The following KANK2 variants were observed in gnomAD, a reference collection of about 807,000 sequenced individuals.
KANK2 encodes KN motif and ankyrin repeat domain-containing protein 2.
In KANK2, 41 loss-of-function variants were observed where a neutral mutation model predicts 74.6. That is an observed-to-expected ratio of 0.55 (90% CI 0.43 to 0.71). KANK2 has a LOEUF of 0.71. KANK2 is among the 30% of genes least tolerant of loss of function. The pLI is 0.00. For synonymous variants in KANK2, 537 were observed against 519.0 expected (o/e 1.03, Z -0.47); for missense variants, 1,148 against 1,196.4 (o/e 0.96, Z 0.60).
In KANK2 at chr19:11,194,527, T is replaced by G. The variant is rs2078960237; in HGVS notation, c.-16A>C. The G allele has an allele frequency of 6.2e-7, 1 of 1,610,872 alleles. No individual in the cohort carries two copies. On this transcript the variant is annotated 5_prime_UTR_variant, in exon 3 of 13. Coordinates refer to ENST00000586659, the MANE Select transcript of KANK2 (RefSeq NM_001136191.3). ...CCTGGGCCATCTTCTTTTCTACAGA[T>G]GCTCCTTGGAAGTCACTTGAGGGAC...
intron 4 of KANK2, among the ~76,000 whole-genome samples, chr19:11,181,693 C>T (rs2078523501): frequency 6.6e-6 from 1 of 151,910 alleles, no homozygotes. Context: ...GACAGTTGCG[C>T]AACAGTGTGA....
rs955771153 is a variant in KANK2 at position 11,165,409 on chromosome 19, C to A, written c.*1149G>T. On this transcript the variant is annotated 3_prime_UTR_variant, in exon 13 of 13. Coordinates refer to ENST00000586659, the MANE Select transcript of KANK2 (RefSeq NM_001136191.3). ...TCTGGAGTCCCGGGGAGGAACAGGA[C>A]GGCCCTGTGACCATAGTCTGGGGCC... The A allele has an allele frequency of 1.3e-5, 2 of 152,158 alleles. No homozygotes were observed. Among genetic ancestry groups the A allele is most frequent in the African/African-American group, 4.8e-5 (2 of 41,442 alleles). The allele number at this position is 152,158 out of a possible 1,614,324, so 9.4% of individuals were successfully genotyped here. A position where few individuals can be genotyped will look rare whatever the true frequency, so the allele number is the denominator to read the frequency against.
At chr19:11,176,073 T>C in intron 7 of KANK2, 84 bp from the exon 8 acceptor site, 1 of 1,043,868 alleles carries the variant, frequency 9.6e-7, no homozygotes, top group African/African-American at 1.6e-5. Flanking sequence ...ACCACGTCAC[T>C]CACAATAGGG....
At chr19:11,196,896 TG>T (rs144693665) in intron 1 of KANK2, 68,544 of 149,158 alleles carry the variant, frequency 0.46, 15,932 homozygotes, top group African/African-American at 0.58. Context: ...GTGGTGGTGG[TG>T]GGGGGGGGTC....
Position 11,169,897 on chromosome 19 carries a change from G to A in KANK2, c.2482C>T (p.Arg828Cys), listed in dbSNP as rs761733941. The A allele has an allele frequency of 5.6e-6, 9 of 1,613,856 alleles. No individual in the cohort carries two copies. The East Asian group carries it at 6.7e-5, about 12-fold the overall frequency. ...CTCACCGAGCACTTGATGTTCATGC[G>A]GGAATACAGCATGGACGCAATCTCA... ...QSEIASMLYSRMNIKCSFAPM... is the reference protein window; with the variant it reads ...QSEIASMLYSCMNIKCSFAPM... The change falls in exon 12 of 13, where the codon CGC becomes TGC. Residue 828 changes from arginine to cysteine, a missense_variant. Physicochemically the swap from Arg to Cys is radical, Grantham distance 180 (BLOSUM62 -3). Coordinates refer to ENST00000586659, the MANE Select transcript of KANK2 (RefSeq NM_001136191.3).
At chr19:11,187,672 C>T (rs868388490) in intron 4 of KANK2, among the ~76,000 whole-genome samples, 5 of 152,178 alleles carry the variant, frequency 3.3e-5, no homozygotes, top group East Asian at 1.9e-4. Context: ...CAGCCACGTT[C>T]GTTCATTTCC....
chr19:11,172,540 A>T (rs901583539), intron 10 of KANK2, among the ~76,000 whole-genome samples: 1 of 152,112 alleles, frequency 6.6e-6, no homozygotes, highest in Non-Finnish European at 1.5e-5. Flanking sequence ...ACACAGCTGA[A>T]GGGAGCGCTC....
chr19:11,194,233 T>A (rs1242904064), intron 3 of KANK2, among the ~76,000 whole-genome samples, 191 bp from the exon 4 acceptor site: 1 of 152,102 alleles, frequency 6.6e-6, no homozygotes. Context: ...CGCTAGGCTA[T>A]GTCGCCTCTC....
chr19:11,169,681 A>C (rs2078116823), intron 12 of KANK2, 196 bp downstream of exon 12: 2 of 599,592 alleles, frequency 3.3e-6, no homozygotes, highest in Admixed American at 5.9e-5. Context: ...CACACCTGTT[A>C]TCCCAGCTAC....
intron 4 of KANK2, among the ~76,000 whole-genome samples, chr19:11,179,017 C>G (rs534396436): frequency 5.9e-5 from 9 of 151,950 alleles, no homozygotes; most frequent in African/African-American, 2.2e-4. Flanking sequence ...CCTGAGTGAT[C>G]GCTAAAAATA....
intron 4 of KANK2, among the ~76,000 whole-genome samples, chr19:11,185,367 G>A (rs1434820231): frequency 6.7e-6 from 1 of 148,236 alleles, no homozygotes; most frequent in East Asian, 2.0e-4. Context: ...AATTAGTAGA[G>A]ATGGGGTGTC....
chr19:11,197,695 A>G (rs1412813796), upstream of KANK2: 4 of 151,654 alleles, frequency 2.6e-5, no homozygotes, highest in African/African-American at 9.7e-5. Flanking sequence ...CTGGTTGGAG[A>G]CTGGATCTCA....
Position 11,174,488 on chromosome 19 carries a change from G to T in KANK2, c.2053C>A (p.Gln685Lys). Residue 685 changes from glutamine to lysine, a missense_variant, in exon 9 of 13, where the codon CAG (glutamine) becomes AAG (lysine). Physicochemically the swap from Gln to Lys is moderately conservative, Grantham distance 53 (BLOSUM62 1). Coordinates refer to ENST00000586659, the MANE Select transcript of KANK2 (RefSeq NM_001136191.3). ...CTGGGCTCACCGCTGTCGAGCAGCT[G>T]CTGCACCACGGGGAAGTTGGCATGA... The part of the protein sequence containing the change: ...VSHANFPVVQ[Q>K]LLDSGVCKVD... 6.2e-7 allele frequency: 1 copy of T among 1,611,034 alleles called. No individual in the cohort carries two copies.
chr19:11,188,624 T>C (rs1200978198), intron 4 of KANK2, among the ~76,000 whole-genome samples: 1 of 151,924 alleles, frequency 6.6e-6, no homozygotes, highest in African/African-American at 2.4e-5. Context: ...GTCCCTGCTG[T>C]GCTCCTCCCT....
chr19:11,186,302 C>G (rs931307135), intron 4 of KANK2, among the ~76,000 whole-genome samples: 2 of 151,970 alleles, frequency 1.3e-5, no homozygotes, highest in Middle Eastern at 3.2e-3. Context: ...GCACAAGAAT[C>G]GCTTGAACCT....
intron 7 of KANK2, 64 bp from the exon 8 acceptor site, chr19:11,176,053 GA>G (rs2078327861): frequency 1.5e-6 from 2 of 1,293,830 alleles, no homozygotes; most frequent in Non-Finnish European, 2.2e-6. Flanking sequence ...GAAGGGACTT[GA>G]CATTCTGCAC....
Position 11,184,230 on chromosome 19 carries a change from G to C in KANK2, c.1250-5510C>G, listed in dbSNP as rs1243766343. 6.6e-5 allele frequency among the ~76,000 whole-genome samples: 10 copies of C among 150,426 alleles called. 4 individuals carry two copies. The highest frequency in any genetic ancestry group is 2.1e-4 in the South Asian group (1 of 4,762). ...GTCTCTACTGATAATACAAAAATTA[G>C]CAGAGTATGCTGGCAGGCACCTGTA... On this transcript the variant is annotated intron_variant, in intron 4 of 12. Transcript: ENST00000586659.
chr19:11,191,660 A>G (rs76288880), intron 4 of KANK2, among the ~76,000 whole-genome samples: 10,789 of 152,318 alleles, frequency 0.071, 511 homozygotes, highest in Middle Eastern at 0.1. Flanking sequence ...TAAACTGGAC[A>G]GACAGATGCC....
At position 11,174,626 on chromosome 19, in the gene KANK2, C is replaced by A; in HGVS notation, c.1915G>T (p.Glu639Ter). 6.2e-7 allele frequency: 1 copy of A among 1,612,244 alleles called. No individual in the cohort carries two copies. Among genetic ancestry groups the A allele is most frequent in the South Asian group, 1.1e-5 (1 of 90,936 alleles). Residue 639 changes from glutamate to a stop codon, truncating the protein, a stop_gained, in exon 9 of 13, where the codon GAG (glutamate) becomes TAG (stop). Coordinates refer to ENST00000586659, the MANE Select transcript of KANK2 (RefSeq NM_001136191.3). LOFTEE classifies it high-confidence loss of function. ...GTGACCAGGTGCCGCCGCACCAGCT[C>A]GGGGTGTGCGTCGCTGCGGCAGGCC... is the stretch of plus-strand genomic sequence containing the variant. ...RLACRSDAHPELVRRHLVTFR... is the reference protein window; with the variant it reads ...RLACRSDAHP
Sources: gnomAD v4.1 joint callset for allele counts (sites outside exome capture counted in the v4.1 genomes callset) on GRCh38, gnomAD v4.1.1 for gene constraint, MANE v1.5 for transcripts, NCBI Gene and HGNC (gene_info 2026-07-23, HGNC 2026-07-21) for gene names.